DAB2IP: variants seen among roughly 807,000 people sequenced by gnomAD.
DAB2IP encodes the protein disabled homolog 2-interacting protein.
In DAB2IP, 28 loss-of-function variants were observed where a neutral mutation model predicts 107.2. That is an observed-to-expected ratio of 0.26 (90% CI 0.19 to 0.36). DAB2IP has a LOEUF of 0.36. DAB2IP is among the 10% of genes least tolerant of loss of function. The pLI, the probability that DAB2IP is intolerant of heterozygous loss-of-function variation, is 1.00. For missense variants in DAB2IP, 1,400 were observed against 1,644.7 expected, an observed-to-expected ratio of 0.85 and a Z score of 2.57; for synonymous variants, 755 against 706.4, an observed-to-expected ratio of 1.07 and a Z score of -1.09.
At chr9:121,636,537 C>T (rs1432235167) in intron 1 of DAB2IP, among the ~76,000 whole-genome samples, 1 of 152,162 alleles carries the variant, frequency 6.6e-6, no homozygotes, top group Non-Finnish European at 1.5e-5. Context: ...TCTCGCTGCT[C>T]TCCCCAGCTG....
chr9:121,764,699 C>T (rs1834140631), intron 8 of DAB2IP, among the ~76,000 whole-genome samples: 1 of 152,200 alleles, frequency 6.6e-6, no homozygotes, highest in Admixed American at 6.5e-5. Context: ...CCACCCAAGC[C>T]TCCGTCCACA....
intron 3 of DAB2IP, among the ~76,000 whole-genome samples, chr9:121,717,384 C>T (rs557981177): frequency 1.1e-4 from 17 of 152,250 alleles, no homozygotes; most frequent in Admixed American, 1.3e-4. Flanking sequence ...CACGTTTCTA[C>T]ACATGAGAGG....
chr9:121,574,485 A>G (rs1564678819), intron 1 of DAB2IP, among the ~76,000 whole-genome samples: 1 of 152,106 alleles, frequency 6.6e-6, no homozygotes, highest in East Asian at 1.9e-4. Context: ...CCCTTCTATA[A>G]GTGAAAAAAT....
intron 1 of DAB2IP, among the ~76,000 whole-genome samples, chr9:121,656,420 A>T (rs897687318): frequency 6.6e-6 from 1 of 152,222 alleles, no homozygotes; most frequent in Non-Finnish European, 1.5e-5. Context: ...GTGGTTCCCC[A>T]GTTTTCAAAT....
intron 3 of DAB2IP, among the ~76,000 whole-genome samples, chr9:121,744,979 C>A (rs929177354): frequency 1.3e-5 from 2 of 152,194 alleles, no homozygotes; most frequent in Admixed American, 6.5e-5. Context: ...GGGTTGGGAC[C>A]TGGAAACGTA....
intron 1 of DAB2IP, among the ~76,000 whole-genome samples, chr9:121,630,965 C>T (rs893246532): frequency 6.6e-6 from 1 of 152,170 alleles, no homozygotes; most frequent in African/African-American, 2.4e-5. Flanking sequence ...TTACTAGAGC[C>T]CAAAGGGCCC....
chr9:121,582,654 C>T (rs1392716869), intron 1 of DAB2IP, among the ~76,000 whole-genome samples: 1 of 152,138 alleles, frequency 6.6e-6, no homozygotes, highest in South Asian at 2.1e-4. Flanking sequence ...CCCCCAATGA[C>T]CACTTTATGC....
intron 3 of DAB2IP, among the ~76,000 whole-genome samples, chr9:121,719,526 A>G (rs1389732831): frequency 6.6e-6 from 1 of 152,152 alleles, no homozygotes; most frequent in Admixed American, 6.5e-5. Context: ...AAGGGCCTGG[A>G]GCATCGGGAG....
chr9:121,699,910 C>A lies in DAB2IP; in HGVS notation c.362+452C>A, dbSNP rs1219760315. ...GGTTTGGCCGAGACCGGGCGCTGCCCGTGGTGAGGGGAAGGGTGAACATCT... is the reference window on the plus strand; with the variant it reads ...GGTTTGGCCGAGACCGGGCGCTGCCAGTGGTGAGGGGAAGGGTGAACATCT... On this transcript the variant is annotated intron_variant, in intron 3 of 15. Coordinates refer to ENST00000408936, the Ensembl canonical transcript of DAB2IP. This position sits in a 1 kb window ranked among gnomAD's most constrained non-coding sequence, Gnocchi z 6.2. Among the ~76,000 whole-genome samples, 1 of 152,182 alleles carries A rather than the reference C, an allele frequency of 6.6e-6. No homozygotes were observed. Among genetic ancestry groups the A allele is most frequent in the African/African-American group, 2.4e-5 (1 of 41,456 alleles).
At chr9:121,641,895 T>C (rs1419195717) in intron 1 of DAB2IP, among the ~76,000 whole-genome samples, 7 of 66,144 alleles carry the variant, frequency 1.1e-4, no homozygotes, top group Non-Finnish European at 1.9e-4. Flanking sequence ...TTCTTTCCCT[T>C]TCTTTCTTTC....
intron 3 of DAB2IP, among the ~76,000 whole-genome samples, chr9:121,755,993 G>A (rs1477425619): frequency 1.3e-5 from 2 of 152,162 alleles, no homozygotes; most frequent in Non-Finnish European, 1.5e-5. Context: ...TGTGGGCTAA[G>A]CCTGGAGTAG....
In DAB2IP at chr9:121,743,230, C is replaced by T. The variant is rs189389814; in HGVS notation, c.363-13783C>T. On this transcript the variant is annotated intron_variant, in intron 3 of 15. Coordinates refer to ENST00000408936, the Ensembl canonical transcript of DAB2IP. ...CAAATGAGACTGGGCCACAAAGTACCCAGTGCTGTGCCCAGCACATAGTGC... is the reference window on the plus strand; with the variant it reads ...CAAATGAGACTGGGCCACAAAGTACTCAGTGCTGTGCCCAGCACATAGTGC... Among the ~76,000 whole-genome samples, 231 of 152,282 alleles carry T rather than the reference C, an allele frequency of 1.5e-3. 3 individuals carry two copies. The highest frequency in any genetic ancestry group is 0.014 in the Middle Eastern group (4 of 294).
intron 1 of DAB2IP, among the ~76,000 whole-genome samples, chr9:121,665,507 T>C (rs1465137538): frequency 6.6e-6 from 1 of 152,230 alleles, no homozygotes; most frequent in Admixed American, 6.5e-5. Context: ...TGGAGTGCTA[T>C]AATTAGAATT....
rs188485630 is a variant in DAB2IP, at chr9:121,746,400, T to G, written c.363-10613T>G. ...TTAATTTGACCAAAGTCACAGAGTT[T>G]TGTGTGTGTGTTTTTAAGGAACCAT... On this transcript the variant is annotated intron_variant, in intron 3 of 15. Transcript: ENST00000408936. Among the ~76,000 whole-genome samples the G allele has an allele frequency of 3.6e-3, 550 of 152,176 alleles. 5 individuals carry two copies. Among genetic ancestry groups the G allele is most frequent in the African/African-American group, 0.012 (516 of 41,516 alleles).
At chr9:121,619,925 C>A (rs897140957) in intron 1 of DAB2IP, among the ~76,000 whole-genome samples, 3 of 64,116 alleles carry the variant, frequency 4.7e-5, no homozygotes, top group Non-Finnish European at 7.4e-5. Flanking sequence ...AGAAGAGAAC[C>A]CCTATTTGGG....
intron 5 of DAB2IP, among the ~76,000 whole-genome samples, chr9:121,759,652 C>G (rs1422862862): frequency 6.6e-6 from 1 of 152,204 alleles, no homozygotes; most frequent in Non-Finnish European, 1.5e-5. Context: ...ACAAGCAACC[C>G]AAGGCTCCAG....
At chr9:121,614,445 AT>A (rs1315821124) in intron 1 of DAB2IP, among the ~76,000 whole-genome samples, 2 of 142,090 alleles carry the variant, frequency 1.4e-5, no homozygotes, top group African/African-American at 5.3e-5. Context: ...GGTTCAAGTG[AT>A]TCTCCTGCCT....
At chr9:121,742,926 G>T in intron 3 of DAB2IP, 10 of 985,504 alleles carry the variant, frequency 1.0e-5, no homozygotes, top group Non-Finnish European at 1.2e-5. Flanking sequence ...TGACAGGTGA[G>T]ACTCCTCATC....
At chr9:121,749,108 G>A (rs1832921606) in intron 3 of DAB2IP, among the ~76,000 whole-genome samples, 1 of 152,214 alleles carries the variant, frequency 6.6e-6, no homozygotes, top group African/African-American at 2.4e-5. Flanking sequence ...GGCCCTGGGA[G>A]CCACCAGGCG....
Sources: gnomAD v4.1 joint callset for allele counts (sites outside exome capture counted in the v4.1 genomes callset) on GRCh38, gnomAD v4.1.1 for gene constraint, Gnocchi (gnomAD v3.1) non-coding constraint, MANE v1.5 for transcripts, NCBI Gene and HGNC (gene_info 2026-07-23, HGNC 2026-07-21) for gene names.